The following DAGLA variants were observed in gnomAD, a reference collection of about 807,000 sequenced individuals.
DAGLA encodes the protein diacylglycerol lipase-alpha.
A neutral mutation model predicts 102.6 loss-of-function variants in DAGLA; 22 were observed. The ratio of observed to expected loss-of-function variants is 0.21; its 90% CI spans 0.15 to 0.31. The LOEUF (loss-of-function observed/expected upper bound fraction) is 0.31. Ranked by LOEUF, DAGLA falls within the 10% of genes least tolerant of loss-of-function variation. The pLI is 1.00. For synonymous variants in DAGLA, 578 were observed against 628.9 expected, an observed-to-expected ratio of 0.92 and a Z score of 1.21; for missense variants, 927 against 1,446.6, an observed-to-expected ratio of 0.64 and a Z score of 5.83.
At chr11:61,711,069 A>T (rs954986406) in intron 1 of DAGLA, among the ~76,000 whole-genome samples, 6 of 152,138 alleles carry the variant, frequency 3.9e-5, no homozygotes. Context: ...TGCCTTTGAG[A>T]GAGTCGCGTT....
In DAGLA at chr11:61,743,943, CA is replaced by C; in HGVS notation, c.2584del (p.Ser862ValfsTer142). The C allele has an allele frequency of 6.2e-7, 1 of 1,611,990 alleles. No homozygotes were observed. Among genetic ancestry groups the C allele is most frequent in the African/African-American group, 1.3e-5 (1 of 75,038 alleles). On this transcript the variant is annotated frameshift_variant, in exon 20 of 20. Coordinates refer to ENST00000257215, the MANE Select transcript of DAGLA (RefSeq NM_006133.3). LOFTEE classifies it high-confidence loss of function. ...CGCAGCCCCTGGAGGCGGCCCTGGG[CA>C]GTGGCGGCGTCACTCCTGAGCGGCC... Reference protein sequence around the residue: ...DTQPLEAALGSGGVTPERPPS... With the variant: ...DTQPLEAALGXGGVTPERPPS...
intron 9 of DAGLA, among the ~76,000 whole-genome samples, chr11:61,733,144 A>G (rs1323456623): frequency 1.3e-5 from 2 of 152,246 alleles, no homozygotes; most frequent in African/African-American, 4.8e-5. Context: ...CTGCTCTTAC[A>G]GAAGAGGAAA....
At chr11:61,723,030 A>C in intron 4 of DAGLA, 70 bp downstream of exon 4, 5 of 1,295,110 alleles carry the variant, frequency 3.9e-6, no homozygotes, top group Non-Finnish European at 1.1e-6. Context: ...CAGTTTAGAG[A>C]GGAAGAAGCT....
At chr11:61,727,627 A>C (rs1465486240) in intron 6 of DAGLA, among the ~76,000 whole-genome samples, 1 of 152,194 alleles carries the variant, frequency 6.6e-6, no homozygotes, top group Admixed American at 6.5e-5. Flanking sequence ...ACCCCCTTCT[A>C]GGGCACATTG....
chr11:61,700,169 C>T (rs1218407239), intron 1 of DAGLA, among the ~76,000 whole-genome samples: 1 of 152,204 alleles, frequency 6.6e-6, no homozygotes, highest in African/African-American at 2.4e-5. Flanking sequence ...CCAGAGCCCT[C>T]CTGTTGGGGC....
chr11:61,720,933 A>G (rs1481317720), intron 3 of DAGLA, 43 bp downstream of exon 3: 3 of 1,564,380 alleles, frequency 1.9e-6, no homozygotes, highest in Non-Finnish European at 2.6e-6. Flanking sequence ...GACAACTCCC[A>G]CCTCTCCATT....
intron 1 of DAGLA, among the ~76,000 whole-genome samples, chr11:61,688,314 C>CA (rs1186217122): frequency 0.015 from 1,079 of 73,010 alleles, 21 homozygotes; most frequent in African/African-American, 0.042. Context: ...AACTCTGTCT[C>CA]AAAAAAAAAA....
At chr11:61,708,635 G>A (rs1470960538) in intron 1 of DAGLA, among the ~76,000 whole-genome samples, 7 of 151,868 alleles carry the variant, frequency 4.6e-5, no homozygotes, top group African/African-American at 9.7e-5. Flanking sequence ...CACCCGCCTC[G>A]GCCTCCCAAA....
chr11:61,718,496 C>G (rs1020860317), intron 1 of DAGLA, among the ~76,000 whole-genome samples: 1 of 152,064 alleles, frequency 6.6e-6, no homozygotes, highest in East Asian at 1.9e-4. Context: ...CCAGCCCCCC[C>G]TCCTGTCCTA....
Position 61,717,963 on chromosome 11 carries a change from G to A in DAGLA, c.-44-2149G>A, listed in dbSNP as rs146405805. Among the ~76,000 whole-genome samples, 803 of 152,302 alleles carry A rather than the reference G, an allele frequency of 5.3e-3. 5 individuals carry two copies. Among genetic ancestry groups the A allele is most frequent in the African/African-American group, 0.018 (730 of 41,556 alleles). On this transcript the variant is annotated intron_variant, in intron 1 of 19. Transcript: ENST00000257215. The stretch of plus-strand genomic sequence containing the variant: ...GAGCTGAAGCGAGCGGGCATTGTTC[G>A]GGCAGAGGAGGGGAGTGCAGAGTGA...
At chr11:61,696,587 C>G (rs945079069) in intron 1 of DAGLA, among the ~76,000 whole-genome samples, 1 of 5,862 alleles carries the variant, frequency 1.7e-4, no homozygotes, top group Admixed American at 2.7e-3. Flanking sequence ...CTGGGCGACC[C>G]GGGGTTGGGG....
rs768257190 is a variant in DAGLA at position 61,734,895 on chromosome 11, A to G, written c.1021A>G (p.Ile341Val). The G allele has an allele frequency of 3.4e-5, 55 of 1,613,970 alleles. No individual in the cohort carries two copies. The highest frequency in any genetic ancestry group is 4.3e-5 in the Non-Finnish European group (51 of 1,179,956). Reference protein sequence around the residue: ...ARPRFAPGVTIEEDNCCGCNA... With the variant: ...ARPRFAPGVTVEEDNCCGCNA... The stretch of plus-strand genomic sequence containing the variant: ...GCCGCGGTTCGCCCCTGGAGTCACC[A>G]TCGAGGAAGACAACTGCTGTGGCTG... The change falls in exon 10 of 20, where the codon ATC becomes GTC. Residue 341 changes from isoleucine to valine, a missense_variant. This residue lies in a region of DAGLA where 44 missense variants were observed against 44.0 expected (regional missense o/e 1.00). Coordinates refer to ENST00000257215, the MANE Select transcript of DAGLA (RefSeq NM_006133.3). The surrounding 1 kb of genome is among the most constrained non-coding windows in gnomAD (Gnocchi z 4.2).
intron 14 of DAGLA, 36 bp from the exon 15 acceptor site, chr11:61,737,651 C>T (rs375310706): frequency 6.3e-7 from 1 of 1,598,478 alleles, no homozygotes; most frequent in Non-Finnish European, 8.6e-7. Context: ...CACCCCGCCC[C>T]CTTGGCCTTA....
At position 61,735,830 on chromosome 11, in the gene DAGLA, T is replaced by C. The variant is rs560212791; in HGVS notation, c.1290+14T>C. The C allele has an allele frequency of 1.1e-5, 18 of 1,601,122 alleles. No individual in the cohort carries two copies. The African/African-American group carries it at 2.1e-4, about 19-fold the overall frequency. On this transcript the variant is annotated intron_variant, in intron 12 of 19. Transcript: ENST00000257215. ...CTGGGCCACAAGGTAACCCACGTCA[T>C]GGACCCCAGGGCCCCTGGGCTTCTT...
chr11:61,715,591 A>C (rs2065230104), intron 1 of DAGLA, among the ~76,000 whole-genome samples: 2 of 152,234 alleles, frequency 1.3e-5, no homozygotes, highest in Non-Finnish European at 2.9e-5. Flanking sequence ...GGCGAGGCCC[A>C]GCCTGGGGTG....
At chr11:61,737,414 C>T in intron 14 of DAGLA, 90 bp downstream of exon 14, 2 of 1,562,720 alleles carry the variant, frequency 1.3e-6, no homozygotes, top group East Asian at 4.5e-5. Flanking sequence ...GACTGGGAGT[C>T]TGACTTCTGG....
chr11:61,709,571 G>A (rs2065176946), intron 1 of DAGLA, among the ~76,000 whole-genome samples: 1 of 152,122 alleles, frequency 6.6e-6, no homozygotes, highest in African/African-American at 2.4e-5. Flanking sequence ...GGTCCCTGAG[G>A]GCTTCTGGAA....
At chr11:61,717,198 A>C (rs569891257) in intron 1 of DAGLA, among the ~76,000 whole-genome samples, 2 of 152,308 alleles carry the variant, frequency 1.3e-5, no homozygotes, top group South Asian at 4.1e-4. Context: ...CATTTCCTCC[A>C]GATGAAATCA....
intron 4 of DAGLA, among the ~76,000 whole-genome samples, 195 bp downstream of exon 4, chr11:61,723,155 A>T (rs541239821): frequency 6.6e-6 from 1 of 152,152 alleles, no homozygotes; most frequent in Non-Finnish European, 1.5e-5. Context: ...GGGCTGCAGC[A>T]GGCACAGAGC....
Sources: allele counts gnomAD v4.1 joint callset (sites outside exome capture counted in the v4.1 genomes callset), GRCh38; gene constraint gnomAD v4.1.1; regional missense constraint gnomAD v4.1.1; non-coding constraint Gnocchi (gnomAD v3.1); transcripts MANE v1.5; gene names NCBI Gene and HGNC (gene_info 2026-07-23, HGNC 2026-07-21).